SRD5A1: variants seen among roughly 807,000 people sequenced by gnomAD.
SRD5A1 encodes steroid 5 alpha-reductase 1.
In SRD5A1, 22 loss-of-function variants were observed where a neutral mutation model predicts 28.2. That is an observed-to-expected ratio of 0.78 (90% confidence interval 0.56 to 1.12). The LOEUF is 1.12. SRD5A1 is among the 50% of genes most tolerant of loss of function. SRD5A1 has a pLI of 0.00. For missense variants in SRD5A1, 300 were observed against 346.7 expected (o/e 0.87, Z 1.07); for synonymous variants, 151 against 135.0 (o/e 1.12, Z -0.82).
intron 3 of SRD5A1, among the ~76,000 whole-genome samples, chr5:6,662,305 G>A (rs1239306363): frequency 6.6e-6 from 1 of 152,210 alleles, no homozygotes; most frequent in African/African-American, 2.4e-5. Flanking sequence ...CATGAGCTGT[G>A]TGCTCTCCTT....
rs905919582 is a variant in SRD5A1, at chr5:6,673,039, C to T, written c.*4771C>T. 1.9e-4 allele frequency: 29 copies of T among 152,124 alleles called. No individual in the cohort carries two copies. The highest frequency in any genetic ancestry group is 6.2e-4 in the South Asian group (3 of 4,826). 9.4% of individuals were successfully genotyped at this position (152,124 alleles called of 1,614,324 possible). A position where few individuals can be genotyped will look rare whatever the true frequency, so the allele number is the denominator to read the frequency against. ...TCTGCTCTCAAAGGCTTCACGTAGC[C>T]GGGAAAACTCCGTTCCCAATTCAGA... On this transcript the variant is annotated 3_prime_UTR_variant, in exon 5 of 5. Transcript: ENST00000274192.
Position 6,633,605 on chromosome 5 carries a change from A to G in SRD5A1, c.29A>G (p.Glu10Gly). 1.3e-6 allele frequency: 2 copies of G among 1,523,350 alleles called. No homozygotes were observed. The highest frequency in any genetic ancestry group is 1.7e-6 in the Non-Finnish European group (2 of 1,143,052). 94.4% of individuals were successfully genotyped at this position (1,523,350 alleles called of 1,614,324 possible). Reference sequence around the variant, plus strand: ...GCAACGGCGACGGGGGTGGCGGAGGAGCGCCTGCTGGCCGCGCTCGCCTAC... The same window carrying G: ...GCAACGGCGACGGGGGTGGCGGAGGGGCGCCTGCTGGCCGCGCTCGCCTAC... MATATGVAE[E>G]RLLAALAYLQ... The change falls in exon 1 of 5, where the codon GAG becomes GGG. Residue 10 changes from glutamate to glycine, a missense_variant. Transcript: ENST00000274192.
chr5:6,639,569 A>G (rs1292198021), intron 1 of SRD5A1, among the ~76,000 whole-genome samples: 2 of 152,358 alleles, frequency 1.3e-5, no homozygotes, highest in East Asian at 3.9e-4. Flanking sequence ...GTTCTTTTCA[A>G]TAATCCATTT....
At chr5:6,637,543 C>T (rs975475524) in intron 1 of SRD5A1, among the ~76,000 whole-genome samples, 2 of 152,238 alleles carry the variant, frequency 1.3e-5, no homozygotes, top group Non-Finnish European at 2.9e-5. Context: ...TCTCCACCCA[C>T]GCAGCTTTGT....
At position 6,673,317 on chromosome 5, in the gene SRD5A1, G is replaced by C. The variant is rs1222079703; in HGVS notation, c.*5049G>C. 1.3e-5 allele frequency: 2 copies of C among 152,212 alleles called. No individual in the cohort carries two copies. The highest frequency in any genetic ancestry group is 1.3e-4 in the Admixed American group (2 of 15,282). The allele number at this position is 152,212 out of a possible 1,614,324, so 9.4% of individuals were successfully genotyped here. A position where few individuals can be genotyped will look rare whatever the true frequency, so the allele number is the denominator to read the frequency against. ...ATGAAGGAAAGGGAAACAAAACTGA[G>C]TGCCAAGCATATGATAACATGCTCA... On this transcript the variant is annotated 3_prime_UTR_variant, in exon 5 of 5. Transcript: ENST00000274192.
intron 1 of SRD5A1, among the ~76,000 whole-genome samples, chr5:6,649,656 GTC>G (rs1738607946): frequency 1.3e-5 from 2 of 152,248 alleles, no homozygotes; most frequent in South Asian, 4.1e-4. Flanking sequence ...TCCTGGTACA[GTC>G]TCTCATGGCT....
chr5:6,635,489 G>C (rs151123923), intron 1 of SRD5A1, among the ~76,000 whole-genome samples: 1 of 152,134 alleles, frequency 6.6e-6, no homozygotes, highest in Non-Finnish European at 1.5e-5. Context: ...TCATGACCCT[G>C]GATGAGTTAC....
At chr5:6,656,049 A>G (rs750437157) in intron 2 of SRD5A1, 29 bp from the exon 3 acceptor site, 40 of 1,575,704 alleles carry the variant, frequency 2.5e-5, no homozygotes, top group Non-Finnish European at 3.2e-5. Flanking sequence ...TTTATTAGCC[A>G]TAATCATCTT....
At chr5:6,656,662 G>A (rs1218082128) in intron 3 of SRD5A1, among the ~76,000 whole-genome samples, 5 of 152,130 alleles carry the variant, frequency 3.3e-5, no homozygotes, top group African/African-American at 7.2e-5. Flanking sequence ...ATGAGGCGCC[G>A]ACCACCATGC....
rs8192153 is a variant in SRD5A1, at chr5:6,639,517, G to A, written c.293+5648G>A. ...GTGTGGGTGCCACCCCACAGCCCTCGCGGACAGTAAGAATGGACATGGAGG... is the reference window on the plus strand; with the variant it reads ...GTGTGGGTGCCACCCCACAGCCCTCACGGACAGTAAGAATGGACATGGAGG... On this transcript the variant is annotated intron_variant, in intron 1 of 4. Coordinates refer to ENST00000274192, the MANE Select transcript of SRD5A1 (RefSeq NM_001047.4). Among the ~76,000 whole-genome samples the A allele has an allele frequency of 5.1e-3, 784 of 152,298 alleles. 5 individuals are homozygous for A. The highest frequency in any genetic ancestry group is 0.017 in the Admixed American group (258 of 15,308).
chr5:6,647,972 A>G (rs925696549), intron 1 of SRD5A1, among the ~76,000 whole-genome samples: 9 of 152,182 alleles, frequency 5.9e-5, no homozygotes, highest in South Asian at 2.1e-4. Context: ...GATGGTGACA[A>G]AATCTCTCAG....
At chr5:6,665,407 A>G (rs1181014879) in intron 4 of SRD5A1, among the ~76,000 whole-genome samples, 3 of 152,214 alleles carry the variant, frequency 2.0e-5, no homozygotes, top group African/African-American at 4.8e-5. Flanking sequence ...TTTAAAATTG[A>G]CTGGGAAAGT....
At chr5:6,660,208 A>G (rs914199571) in intron 3 of SRD5A1, among the ~76,000 whole-genome samples, 2 of 152,248 alleles carry the variant, frequency 1.3e-5, no homozygotes, top group Non-Finnish European at 2.9e-5. Flanking sequence ...ATCTGTAAGC[A>G]GCCTGTGTCT....
At chr5:6,658,761 T>TAA (rs561995788) in intron 3 of SRD5A1, among the ~76,000 whole-genome samples, 2 of 145,820 alleles carry the variant, frequency 1.4e-5, no homozygotes, top group African/African-American at 5.0e-5. Flanking sequence ...TCTAATCATT[T>TAA]AAAAAAAAAA....
chr5:6,659,042 A>G (rs147374555), intron 3 of SRD5A1, among the ~76,000 whole-genome samples: 6 of 151,776 alleles, frequency 4.0e-5, no homozygotes, highest in African/African-American at 1.4e-4. Flanking sequence ...ACTTGAACCC[A>G]GGAGTTTGTG....
intron 3 of SRD5A1, among the ~76,000 whole-genome samples, chr5:6,658,108 T>C (rs1241348028): frequency 1.3e-5 from 2 of 152,144 alleles, no homozygotes; most frequent in African/African-American, 4.8e-5. Context: ...GCAGATCACA[T>C]GAGGTCCAGA....
At chr5:6,665,318 C>T (rs1246039802) in intron 4 of SRD5A1, among the ~76,000 whole-genome samples, 1 of 152,196 alleles carries the variant, frequency 6.6e-6, no homozygotes, top group Non-Finnish European at 1.5e-5. Flanking sequence ...GAATCAGTGG[C>T]CGTTATTATA....
chr5:6,659,175 G>A (rs994573097), intron 3 of SRD5A1, among the ~76,000 whole-genome samples: 67 of 151,058 alleles, frequency 4.4e-4, no homozygotes, highest in Admixed American at 1.1e-3. Context: ...GTGCAGTGGC[G>A]CGATCTCGGC....
intron 1 of SRD5A1, among the ~76,000 whole-genome samples, chr5:6,635,262 C>T (rs1363513155): frequency 6.6e-6 from 1 of 152,200 alleles, no homozygotes; most frequent in South Asian, 2.1e-4. Flanking sequence ...AGTCAACATT[C>T]ATCAGAGGCT....
Sources: allele counts gnomAD v4.1 joint callset (sites outside exome capture counted in the v4.1 genomes callset), GRCh38; gene constraint gnomAD v4.1.1; transcripts MANE v1.5; gene names NCBI Gene and HGNC (gene_info 2026-07-23, HGNC 2026-07-21).